DNAH6: variants seen among roughly 807,000 people sequenced by gnomAD.
The protein encoded by DNAH6 is axonemal beta dynein heavy chain 6.
Under a neutral mutation model 491.4 loss-of-function variants are expected in DNAH6, and 340 were observed. The observed-to-expected ratio is 0.69, with a 90% CI of 0.63 to 0.76. DNAH6 has a LOEUF of 0.76. DNAH6 is among the 30% of genes least tolerant of loss of function. DNAH6 has a pLI of 0.00. For missense variants in DNAH6, 4,443 were observed against 4,972.2 expected, an observed-to-expected ratio of 0.89 and a Z score of 3.20; for synonymous variants, 1,603 against 1,686.1, an observed-to-expected ratio of 0.95 and a Z score of 1.21.
chr2:84,572,439 C>T (rs190033370), intron 11 of DNAH6, among the ~76,000 whole-genome samples: 1 of 152,192 alleles, frequency 6.6e-6, no homozygotes, highest in East Asian at 1.9e-4. Context: ...TTTCTAGCAC[C>T]TGCATGATGA....
intron 72 of DNAH6, among the ~76,000 whole-genome samples, chr2:84,812,010 G>A (rs1680032901): frequency 6.6e-6 from 1 of 152,126 alleles, no homozygotes; most frequent in Admixed American, 6.5e-5. Context: ...ATCACAGTCA[G>A]GCCTATTTTT....
At position 84,599,215 on chromosome 2, in the gene DNAH6, T is replaced by G. The variant is rs181375436; in HGVS notation, c.2868+3426T>G. On this transcript the variant is annotated intron_variant, in intron 18 of 76. Coordinates refer to ENST00000389394, the MANE Select transcript of DNAH6 (RefSeq NM_001370.2). ...TTGAGTTTTAAGAGTTATTCATATA[T>G]TCTGCATAAAAGTTTTTTTTCAGAT... is the stretch of plus-strand genomic sequence containing the variant. 1.6e-4 allele frequency among the ~76,000 whole-genome samples: 22 copies of G among 138,756 alleles called. No individual in the cohort carries two copies. The East Asian group carries it at 4.8e-3, about 30-fold the overall frequency. 91.0% of individuals were successfully genotyped at this position (138,756 alleles called of 152,430 possible). A position where few individuals can be genotyped will look rare whatever the true frequency, so the allele number is the denominator to read the frequency against.
chr2:84,490,970 T>C, the DNAH6 span, among the ~76,000 whole-genome samples: 5 of 152,254 alleles, frequency 3.3e-5, no homozygotes, highest in African/African-American at 1.2e-4. Context: ...CTGAGTTGTA[T>C]AGTGCATTGG....
intron 54 of DNAH6, among the ~76,000 whole-genome samples, chr2:84,708,446 A>C (rs1169508197): frequency 1.5e-5 from 2 of 131,560 alleles, no homozygotes; most frequent in Admixed American, 7.7e-5. Flanking sequence ...ACTCTGAAGA[A>C]AGAAAGAGAG....
Position 84,704,231 on chromosome 2 carries a change from C to T in DNAH6, c.8394C>T (p.Ile2798=). The change falls in exon 51 of 77, where the codon ATC becomes ATT. Residue 2798 remains isoleucine, a synonymous_variant. Coordinates refer to ENST00000389394, the MANE Select transcript of DNAH6 (RefSeq NM_001370.2). ...DSLDKADISE[I]RVFTKPPDLV... ...TAGATAAGGCAGATATATCTGAAAT[C>T]AGAGTTTTTACAAAGCCCCCAGATT... is the stretch of plus-strand genomic sequence containing the variant. The T allele has an allele frequency of 1.3e-6, 2 of 1,551,790 alleles. No homozygotes were observed. Among genetic ancestry groups the T allele is most frequent in the African/African-American group, 2.7e-5 (2 of 73,166 alleles).
chr2:84,617,386 G>A (rs1558803558), intron 23 of DNAH6, among the ~76,000 whole-genome samples: 1 of 151,782 alleles, frequency 6.6e-6, no homozygotes, highest in Non-Finnish European at 1.5e-5. Context: ...ATTTTTAAAT[G>A]CACAATTAAA....
At chr2:84,737,752 A>C (rs1699638391) in intron 62 of DNAH6, among the ~76,000 whole-genome samples, 1 of 151,926 alleles carries the variant, frequency 6.6e-6, no homozygotes, top group Non-Finnish European at 1.5e-5. Flanking sequence ...ATGGTCTATC[A>C]ATCTTGTTTA....
At chr2:84,736,779 G>A (rs927046883) in intron 62 of DNAH6, among the ~76,000 whole-genome samples, 10 of 151,944 alleles carry the variant, frequency 6.6e-5, no homozygotes, top group African/African-American at 2.4e-4. Context: ...TGTTAGTGAA[G>A]AGAGATCATT....
intron 33 of DNAH6, among the ~76,000 whole-genome samples, chr2:84,649,744 A>G (rs1042224823): frequency 2.0e-5 from 3 of 152,158 alleles, no homozygotes; most frequent in South Asian, 2.1e-4. Flanking sequence ...TTTCAGGGAC[A>G]TGGATGAAGC....
At chr2:84,727,356 G>A (rs1698733190) in intron 60 of DNAH6, among the ~76,000 whole-genome samples, 1 of 152,112 alleles carries the variant, frequency 6.6e-6, no homozygotes. Context: ...AGTCCTCAAT[G>A]TTGTGGATAG....
Position 84,529,178 on chromosome 2 carries a change from T to G in DNAH6, c.662+12T>G. 3 of 1,511,254 alleles carry G rather than the reference T, an allele frequency of 2.0e-6. No individual in the cohort carries two copies. The highest frequency in any genetic ancestry group is 2.7e-6 in the Non-Finnish European group (3 of 1,119,686). 93.6% of individuals were successfully genotyped at this position (1,511,254 alleles called of 1,614,324 possible). A position where few individuals can be genotyped will look rare whatever the true frequency, so the allele number is the denominator to read the frequency against. ...ACATATAATCTAAAGTGAGTTATTT[T>G]TTATGATGCAATTTAACATAAAAAT... On this transcript the variant is annotated intron_variant, in intron 4 of 76. Coordinates refer to ENST00000389394, the MANE Select transcript of DNAH6 (RefSeq NM_001370.2).
At chr2:84,678,166 T>C (rs1461623239) in intron 41 of DNAH6, among the ~76,000 whole-genome samples, 4 of 152,220 alleles carry the variant, frequency 2.6e-5, no homozygotes, top group Non-Finnish European at 4.4e-5. Context: ...TAAATTGAAG[T>C]AGTTCCAATA....
At chr2:84,605,207 G>A (rs111966096) in intron 19 of DNAH6, among the ~76,000 whole-genome samples, 5,998 of 151,560 alleles carry the variant, frequency 0.04, 379 homozygotes, top group African/African-American at 0.14. Context: ...AAAAAAATTA[G>A]CCAGGCGTGG....
At chr2:84,760,367 T>C (rs781719379) in intron 63 of DNAH6, among the ~76,000 whole-genome samples, 33 of 152,046 alleles carry the variant, frequency 2.2e-4, no homozygotes, top group Admixed American at 1.5e-3. Context: ...GCAGAATAAA[T>C]GAATAATCTG....
chr2:84,709,684 T>C, intron 55 of DNAH6, 138 bp downstream of exon 55: 1 of 971,978 alleles, frequency 1.0e-6, no homozygotes. Flanking sequence ...TAGAAGAGAG[T>C]GTTAAAGTCC....
the DNAH6 span, among the ~76,000 whole-genome samples, chr2:84,504,949 A>T: frequency 1.3e-5 from 2 of 152,176 alleles, no homozygotes. Flanking sequence ...CAATTTGGGG[A>T]GTATTGCCAT....
intron 9 of DNAH6, 128 bp from the exon 10 acceptor site, chr2:84,552,790 T>C: frequency 2.1e-6 from 1 of 480,098 alleles, no homozygotes; most frequent in Non-Finnish European, 3.7e-6. Flanking sequence ...TCTGAAACAC[T>C]TTCCACATGC....
In DNAH6 at chr2:84,667,942, A is replaced by T. The variant is rs1270655820; in HGVS notation, c.6085-1347A>T. The stretch of plus-strand genomic sequence containing the variant: ...GGATGAGTTCATGTCCTTTGTAGGG[A>T]CATGGATGAAGCTAGAAACCATCAT... On this transcript the variant is annotated intron_variant, in intron 37 of 76. Coordinates refer to ENST00000389394, the MANE Select transcript of DNAH6 (RefSeq NM_001370.2). Among the ~76,000 whole-genome samples the T allele has an allele frequency of 2.0e-5, 3 of 152,238 alleles. No individual in the cohort carries two copies. In the South Asian group the frequency reaches 6.2e-4, roughly 32 times the overall value.
At chr2:84,761,587 G>A (rs552019019) in intron 63 of DNAH6, among the ~76,000 whole-genome samples, 3 of 152,098 alleles carry the variant, frequency 2.0e-5, no homozygotes, top group South Asian at 2.1e-4. Flanking sequence ...AGCTCCAAAC[G>A]TGATGGCCCT....
Sources: gnomAD v4.1 joint callset for allele counts (sites outside exome capture counted in the v4.1 genomes callset) on GRCh38, gnomAD v4.1.1 for gene constraint, MANE v1.5 for transcripts, NCBI Gene and HGNC (gene_info 2026-07-23, HGNC 2026-07-21) for gene names.